ATP8A1: variants seen among roughly 807,000 people sequenced by gnomAD.
ATP8A1 encodes the protein phospholipid-transporting ATPase IA.
ATP8A1 carries 90 observed loss-of-function variants against 177.7 expected under a neutral mutation model. That is an observed-to-expected ratio of 0.51 (90% CI 0.43 to 0.60). ATP8A1 has a LOEUF of 0.60. Ranked by LOEUF, ATP8A1 falls within the 20% of genes least tolerant of loss-of-function variation. ATP8A1 has a pLI of 0.00. For missense variants in ATP8A1, 1,072 were observed against 1,392.8 expected (o/e 0.77, Z 3.67); for synonymous variants, 493 against 485.9 (o/e 1.01, Z -0.19).
intron 25 of ATP8A1, among the ~76,000 whole-genome samples, chr4:42,477,130 C>G (rs1324294212): frequency 2.6e-5 from 4 of 152,132 alleles, no homozygotes; most frequent in Non-Finnish European, 4.4e-5. Flanking sequence ...ATTTCTAGTA[C>G]TTATTAAGGT....
chr4:42,537,170 C>A (rs186968958), intron 20 of ATP8A1, among the ~76,000 whole-genome samples: 2 of 150,466 alleles, frequency 1.3e-5, no homozygotes, highest in Admixed American at 6.6e-5. Flanking sequence ...AAAACCCCCA[C>A]GTGATCATCT....
At chr4:42,605,270 A>G (rs1441247348) in intron 5 of ATP8A1, among the ~76,000 whole-genome samples, 1 of 152,180 alleles carries the variant, frequency 6.6e-6, no homozygotes, top group East Asian at 1.9e-4. Context: ...AAGTGACTAA[A>G]CCAATTTTCA....
At position 42,503,439 on chromosome 4, in the gene ATP8A1, A is replaced by C. The variant is rs757076736; in HGVS notation, c.2151+11T>G. The stretch of plus-strand genomic sequence containing the variant: ...ATTAAAGGAGTTTTAAAAATACATA[A>C]TTTTACTTACATCAAGAGAGCCTTC... On this transcript the variant is annotated intron_variant, in intron 24 of 36. Transcript: ENST00000381668. 1.3e-6 allele frequency: 2 copies of C among 1,534,426 alleles called. No individual in the cohort carries two copies. The highest frequency in any genetic ancestry group is 1.8e-6 in the Non-Finnish European group (2 of 1,115,092).
intron 20 of ATP8A1, among the ~76,000 whole-genome samples, chr4:42,542,671 G>C (rs1164111813): frequency 6.6e-6 from 1 of 152,064 alleles, no homozygotes; most frequent in East Asian, 1.9e-4. Context: ...CTACTTATGA[G>C]TGAGAACATG....
chr4:42,537,812 A>G (rs1194907344), intron 20 of ATP8A1, among the ~76,000 whole-genome samples: 1 of 152,204 alleles, frequency 6.6e-6, no homozygotes. Flanking sequence ...GGTACAATCA[A>G]TGTTGTAAAA....
rs189803689 is a variant in ATP8A1, at chr4:42,512,674, A to G, written c.1948-5520T>C. On this transcript the variant is annotated intron_variant, in intron 22 of 36. Transcript: ENST00000381668. ...GTTGTCATCAAGTCCCAAGTAATTA[A>G]TTAGCCACCAGGCCAGAAATCTAGA... 2.2e-3 allele frequency among the ~76,000 whole-genome samples: 336 copies of G among 152,296 alleles called. 1 individual carries two copies. The highest frequency in any genetic ancestry group is 7.7e-3 in the African/African-American group (322 of 41,560).
chr4:42,435,517 T>C (rs1715886839), intron 33 of ATP8A1, among the ~76,000 whole-genome samples: 1 of 151,148 alleles, frequency 6.6e-6, no homozygotes, highest in African/African-American at 2.4e-5. Context: ...ACGACTTTCA[T>C]ACTTTCTTTC....
At chr4:42,653,010 T>C (rs1279586941) in intron 1 of ATP8A1, among the ~76,000 whole-genome samples, 1 of 138,462 alleles carries the variant, frequency 7.2e-6, no homozygotes, top group Non-Finnish European at 1.7e-5. Context: ...CTTTATAAAT[T>C]ACCCAGTCTT....
chr4:42,628,765 G>A (rs139261970), intron 1 of ATP8A1, among the ~76,000 whole-genome samples: 82 of 152,218 alleles, frequency 5.4e-4, no homozygotes, highest in African/African-American at 1.7e-3. Context: ...GTCTTCCTTC[G>A]TGGTAGCATG....
intron 33 of ATP8A1, among the ~76,000 whole-genome samples, chr4:42,425,564 G>C (rs909072057): frequency 6.6e-6 from 1 of 151,336 alleles, no homozygotes; most frequent in Non-Finnish European, 1.5e-5. Context: ...TGGATGAAGA[G>C]GGGGGGAAAA....
intron 33 of ATP8A1, among the ~76,000 whole-genome samples, chr4:42,429,399 T>G (rs1395218482): frequency 1.3e-5 from 2 of 149,236 alleles, no homozygotes; most frequent in Non-Finnish European, 3.0e-5. Context: ...TTTTTTTTTG[T>G]GGTTGTGGGG....
chr4:42,483,058 G>C (rs1001563756), intron 25 of ATP8A1, among the ~76,000 whole-genome samples: 1 of 152,170 alleles, frequency 6.6e-6, no homozygotes, highest in African/African-American at 2.4e-5. Flanking sequence ...AACGAGGAGT[G>C]ACACTTGGGT....
chr4:42,453,052 CCTCA>C (rs1287957965), intron 29 of ATP8A1, among the ~76,000 whole-genome samples: 5 of 152,198 alleles, frequency 3.3e-5, no homozygotes, highest in Non-Finnish European at 7.3e-5. Flanking sequence ...TGTCTCTTCT[CCTCA>C]CTGTGTCATT....
Position 42,652,237 on chromosome 4 carries a change from CA to C in ATP8A1, c.49+4587del, listed in dbSNP as rs1741167641. 2.6e-5 allele frequency among the ~76,000 whole-genome samples: 4 copies of C among 152,250 alleles called. No homozygotes were observed. The South Asian group carries it at 8.3e-4, about 32-fold the overall frequency. ...ATAGATTTTCTCAACCAGTCAAGCT[CA>C]AGACTGTAATGGAAATTTCCTCAAA... On this transcript the variant is annotated intron_variant, in intron 1 of 36. Transcript: ENST00000381668.
At chr4:42,605,580 C>T (rs1319480749) in intron 5 of ATP8A1, among the ~76,000 whole-genome samples, 2 of 152,184 alleles carry the variant, frequency 1.3e-5, no homozygotes, top group African/African-American at 2.4e-5. Context: ...GGAAAACCGC[C>T]TCCAAATCTG....
At chr4:42,486,328 G>A (rs190137835) in intron 24 of ATP8A1, among the ~76,000 whole-genome samples, 2 of 152,276 alleles carry the variant, frequency 1.3e-5, no homozygotes, top group East Asian at 3.9e-4. Context: ...AGAGGAACAG[G>A]CTATGACCTA....
At chr4:42,530,889 C>T (rs896013085) in intron 20 of ATP8A1, among the ~76,000 whole-genome samples, 5 of 152,212 alleles carry the variant, frequency 3.3e-5, no homozygotes, top group African/African-American at 7.2e-5. Flanking sequence ...GATCCACTAG[C>T]AACATTTTTG....
At chr4:42,563,768 C>A (rs992739598) in intron 15 of ATP8A1, among the ~76,000 whole-genome samples, 3 of 152,164 alleles carry the variant, frequency 2.0e-5, no homozygotes, top group Non-Finnish European at 2.9e-5. Context: ...AGCTTTCATG[C>A]AGTGTTGAGC....
At chr4:42,598,157 C>T (rs189106306) in intron 6 of ATP8A1, among the ~76,000 whole-genome samples, 9 of 152,172 alleles carry the variant, frequency 5.9e-5, no homozygotes, top group Admixed American at 2.6e-4. Flanking sequence ...TCTATTTGTA[C>T]GTTTTCTAAA....
Sources: allele counts gnomAD v4.1 joint callset (sites outside exome capture counted in the v4.1 genomes callset), GRCh38; gene constraint gnomAD v4.1.1; transcripts MANE v1.5; gene names NCBI Gene and HGNC (gene_info 2026-07-23, HGNC 2026-07-21).